Variants in KIF16B observed in about 807,000 individuals in gnomAD.
The protein encoded by KIF16B is kinesin-like protein KIF16B.
In KIF16B, 98 loss-of-function variants were observed where a neutral mutation model predicts 156.3. The ratio of observed to expected loss-of-function variants is 0.63; its 90% CI spans 0.53 to 0.74. The LOEUF (loss-of-function observed/expected upper bound fraction) is 0.74. Among genes scored for constraint, KIF16B ranks in the 30% least tolerant of loss-of-function variants. KIF16B has a pLI of 0.00. For synonymous variants in KIF16B, 564 were observed against 583.7 expected (o/e 0.97, Z 0.49); for missense variants, 1,421 against 1,606.5 (o/e 0.88, Z 1.97).
chr20:16,471,887 T>A (rs2067672088), intron 12 of KIF16B, among the ~76,000 whole-genome samples: 1 of 152,242 alleles, frequency 6.6e-6, no homozygotes, highest in Admixed American at 6.5e-5. Flanking sequence ...TGAAATTCTG[T>A]GATTACACAA....
At chr20:16,352,092 T>C (rs1323429572) in intron 23 of KIF16B, among the ~76,000 whole-genome samples, 2 of 152,306 alleles carry the variant, frequency 1.3e-5, no homozygotes, top group East Asian at 3.9e-4. Flanking sequence ...AGAGGGCAGA[T>C]CAGTGCTTGC....
chr20:16,304,673 G>C (rs1023643932), intron 25 of KIF16B, among the ~76,000 whole-genome samples: 1 of 152,154 alleles, frequency 6.6e-6, no homozygotes, highest in Non-Finnish European at 1.5e-5. Flanking sequence ...TGTTTTGTAA[G>C]ATCAGCAGAG....
chr20:16,321,286 T>A (rs946114201), intron 24 of KIF16B, among the ~76,000 whole-genome samples: 2 of 152,154 alleles, frequency 1.3e-5, no homozygotes, highest in African/African-American at 4.8e-5. Flanking sequence ...TGCATCATTT[T>A]TATAGAAACA....
intron 25 of KIF16B, among the ~76,000 whole-genome samples, chr20:16,285,048 T>C (rs1183015283): frequency 1.3e-5 from 2 of 152,220 alleles, no homozygotes; most frequent in African/African-American, 4.8e-5. Flanking sequence ...ATGCTAGCCA[T>C]GTGGCTACTG....
intron 12 of KIF16B, among the ~76,000 whole-genome samples, chr20:16,452,170 G>A (rs932339804): frequency 5.9e-5 from 9 of 152,096 alleles, no homozygotes; most frequent in African/African-American, 2.2e-4. Flanking sequence ...AATGAACAGG[G>A]TGGAGAAGGG....
intron 12 of KIF16B, among the ~76,000 whole-genome samples, chr20:16,450,940 T>C (rs931587412): frequency 2.0e-5 from 3 of 152,216 alleles, no homozygotes; most frequent in Admixed American, 2.0e-4. Flanking sequence ...ACTGTCACAA[T>C]TTGTTTTAAG....
chr20:16,468,049 T>C (rs1453200406), intron 12 of KIF16B, among the ~76,000 whole-genome samples: 1 of 152,118 alleles, frequency 6.6e-6, no homozygotes, highest in Non-Finnish European at 1.5e-5. Flanking sequence ...TACACATCAA[T>C]GGTCTAAATA....
At chr20:16,560,927 T>C (rs979191660) in intron 1 of KIF16B, among the ~76,000 whole-genome samples, 5 of 152,216 alleles carry the variant, frequency 3.3e-5, no homozygotes, top group Non-Finnish European at 7.3e-5. Context: ...ATTCACTTCA[T>C]CAGTGTTTTT....
At chr20:16,525,041 C>T (rs192475570) in intron 3 of KIF16B, among the ~76,000 whole-genome samples, 2 of 152,092 alleles carry the variant, frequency 1.3e-5, no homozygotes, top group East Asian at 1.9e-4. Flanking sequence ...TAGGGAGCTA[C>T]GGGAGGGATA....
At chr20:16,422,000 T>C (rs1362162584) in intron 15 of KIF16B, among the ~76,000 whole-genome samples, 2 of 152,122 alleles carry the variant, frequency 1.3e-5, no homozygotes, top group East Asian at 1.9e-4. Context: ...AATATGAAGA[T>C]AAAAAATTTG....
intron 17 of KIF16B, among the ~76,000 whole-genome samples, chr20:16,399,794 C>A (rs1329294459): frequency 6.6e-6 from 1 of 152,236 alleles, no homozygotes; most frequent in Admixed American, 6.5e-5. Context: ...CAACCAGTTA[C>A]TGAAGCCAGA....
intron 24 of KIF16B, among the ~76,000 whole-genome samples, chr20:16,329,121 T>A (rs754583291): frequency 6.6e-6 from 1 of 152,206 alleles, no homozygotes; most frequent in Non-Finnish European, 1.5e-5. Context: ...CCTCATGTCA[T>A]CCAACTTTAT....
chr20:16,305,558 C>A (rs909807765), intron 25 of KIF16B, among the ~76,000 whole-genome samples: 1 of 152,154 alleles, frequency 6.6e-6, no homozygotes, highest in Non-Finnish European at 1.5e-5. Flanking sequence ...TATCTTCTAG[C>A]TATTTTGAAA....
chr20:16,563,258 G>A (rs1049238010), intron 1 of KIF16B, among the ~76,000 whole-genome samples: 7 of 152,172 alleles, frequency 4.6e-5, no homozygotes, highest in Non-Finnish European at 2.9e-5. Context: ...CTTTGTGCTT[G>A]GATGAATGTG....
chr20:16,282,032 CT>C (rs11478755), intron 25 of KIF16B, among the ~76,000 whole-genome samples: 46,800 of 120,364 alleles, frequency 0.39, 7,604 homozygotes, highest in East Asian at 0.88. Context: ...TTTTCTGTTT[CT>C]TTTTTTTTTT....
chr20:16,413,575 TA>T (rs2066011193), intron 15 of KIF16B, among the ~76,000 whole-genome samples: 1 of 152,132 alleles, frequency 6.6e-6, no homozygotes, highest in South Asian at 2.1e-4. Flanking sequence ...ACTACAAACA[TA>T]TGAGACAACT....
At chr20:16,518,105 G>C (rs2069204550) in intron 3 of KIF16B, among the ~76,000 whole-genome samples, 1 of 152,124 alleles carries the variant, frequency 6.6e-6, no homozygotes, top group African/African-American at 2.4e-5. Context: ...AGAAAATCCA[G>C]GTCTGGAGGC....
chr20:16,505,699 G>A, intron 9 of KIF16B, 23 bp downstream of exon 9: 1 of 1,604,698 alleles, frequency 6.2e-7, no homozygotes, highest in Non-Finnish European at 8.5e-7. Context: ...TGTATGCTCA[G>A]AAAAGTAACT....
At chr20:16,377,227 G>C (rs2064974042) in intron 19 of KIF16B, among the ~76,000 whole-genome samples, 1 of 152,032 alleles carries the variant, frequency 6.6e-6, no homozygotes, top group South Asian at 2.1e-4. Flanking sequence ...GTACTGCGGA[G>C]AGGGCAAGGT....
Sources: allele counts gnomAD v4.1 joint callset (sites outside exome capture counted in the v4.1 genomes callset), GRCh38; gene constraint gnomAD v4.1.1; transcripts MANE v1.5; gene names NCBI Gene and HGNC (gene_info 2026-07-23, HGNC 2026-07-21).